The following HS6ST2 variants were observed in gnomAD, a reference collection of about 807,000 sequenced individuals.
HS6ST2 encodes heparan-sulfate 6-O-sulfotransferase 2.
Under a neutral mutation model 33.0 loss-of-function variants are expected in HS6ST2, and 17 were observed. The ratio of observed to expected loss-of-function variants is 0.52; its 90% CI spans 0.35 to 0.77. The LOEUF is 0.77. Among genes scored for constraint, HS6ST2 ranks in the 30% least tolerant of loss-of-function variants. HS6ST2 has a pLI of 0.01. For synonymous variants in HS6ST2, 248 were observed against 237.1 expected, an observed-to-expected ratio of 1.05 and a Z score of -0.42; for missense variants, 519 against 551.7, an observed-to-expected ratio of 0.94 and a Z score of 0.59.
intron 2 of HS6ST2, among the ~76,000 whole-genome samples, chrX:132,913,991 T>G (rs1476488022): frequency 8.9e-6 from 1 of 111,942 alleles, no homozygotes; most frequent in African/African-American, 3.3e-5. Context: ...TCCTGCTCCC[T>G]CAGGCTTCCC....
intron 2 of HS6ST2, among the ~76,000 whole-genome samples, chrX:132,822,405 G>A (rs1002333647): frequency 1.8e-5 from 2 of 111,248 alleles, no homozygotes; most frequent in Non-Finnish European, 3.8e-5. Flanking sequence ...GAGGAGCTGG[G>A]CAAACCAAGA....
chrX:132,865,445 C>T (rs1466489789), intron 2 of HS6ST2, among the ~76,000 whole-genome samples: 1 of 109,591 alleles, frequency 9.1e-6, no homozygotes. Context: ...CATACGTGTG[C>T]ATGTGTCTTT....
At position 132,679,752 on chromosome X, in the gene HS6ST2, T is replaced by G. The variant is rs949882148; in HGVS notation, c.981-10553A>C. On this transcript the variant is annotated intron_variant, in intron 3 of 4. Transcript: ENST00000370833. ...CTCGACCATAGAAGACAACCACGCC[T>G]GGGGGGGGGCCAGTTCAGAGACCCA... Among the ~76,000 whole-genome samples, 228 of 105,257 alleles carry G rather than the reference T, an allele frequency of 2.2e-3. 1 individual carries two copies. Among genetic ancestry groups the G allele is most frequent in the African/African-American group, 7.6e-3 (220 of 28,890 alleles). 91.4% of individuals were successfully genotyped at this position (105,257 alleles called of 115,157 possible). A position where few individuals can be genotyped will look rare whatever the true frequency, so the allele number is the denominator to read the frequency against.
chrX:132,669,553 T>C (rs1404928102), intron 3 of HS6ST2: 1 of 129,380 alleles, frequency 7.7e-6, no homozygotes, highest in Non-Finnish European at 1.6e-5. Context: ...ATAAAATCCT[T>C]TCTTTCCAGG....
intron 2 of HS6ST2, among the ~76,000 whole-genome samples, chrX:132,926,846 C>A (rs989809223): frequency 3.6e-5 from 4 of 111,770 alleles, no homozygotes; most frequent in Non-Finnish European, 7.5e-5. Context: ...TCACTTGAAC[C>A]CAGGAGGTGG....
chrX:132,869,703 A>G (rs747356059), intron 2 of HS6ST2, among the ~76,000 whole-genome samples: 1 of 112,195 alleles, frequency 8.9e-6, no homozygotes, highest in Admixed American at 9.5e-5. Flanking sequence ...AAGGCCTTTG[A>G]TAAAATTCAA....
chrX:132,730,094 A>C (rs1328763087), intron 2 of HS6ST2, among the ~76,000 whole-genome samples: 1 of 111,042 alleles, frequency 9.0e-6, no homozygotes, highest in East Asian at 2.8e-4. Context: ...AGACCAAGAA[A>C]CTTAAGGAAG....
intron 2 of HS6ST2, among the ~76,000 whole-genome samples, chrX:132,885,420 C>T (rs905994416): frequency 1.3e-4 from 14 of 111,147 alleles, no homozygotes; most frequent in African/African-American, 4.6e-4. Context: ...AAAATGAAAT[C>T]GGAAGTCATG....
chrX:132,673,549 T>G (rs2063900858), intron 3 of HS6ST2, among the ~76,000 whole-genome samples: 1 of 112,570 alleles, frequency 8.9e-6, no homozygotes, highest in Admixed American at 9.3e-5. Context: ...TAGTCCTTAA[T>G]GTTTTCCAAT....
At chrX:132,907,745 C>T (rs778651678) in intron 2 of HS6ST2, among the ~76,000 whole-genome samples, 2 of 112,157 alleles carry the variant, frequency 1.8e-5, no homozygotes, top group East Asian at 2.8e-4. Flanking sequence ...AGATGGACCC[C>T]TACTTTATGC....
chrX:132,876,877 C>G (rs1225699298), intron 2 of HS6ST2, among the ~76,000 whole-genome samples: 1 of 112,013 alleles, frequency 8.9e-6, no homozygotes, highest in Non-Finnish European at 1.9e-5. Context: ...AAACATTTTT[C>G]TTAGTTTTCT....
In HS6ST2 at chrX:132,736,567, AG is replaced by A. The variant is rs1400047671; in HGVS notation, c.948-28074del. Among the ~76,000 whole-genome samples the A allele has an allele frequency of 5.4e-5, 6 of 111,824 alleles. No individual in the cohort carries two copies. The East Asian group carries it at 1.7e-3, about 31-fold the overall frequency. The stretch of plus-strand genomic sequence containing the variant: ...TGCCAGGGGTGGTATGTAGTAGCGC[AG>A]AGTGACTCCAGTAGGGTGACAGCTC... On this transcript the variant is annotated intron_variant, in intron 2 of 4. Coordinates refer to ENST00000370833, the MANE Select transcript of HS6ST2 (RefSeq NM_001394073.1).
chrX:132,751,632 G>C, intron 2 of HS6ST2, among the ~76,000 whole-genome samples: 1 of 112,685 alleles, frequency 8.9e-6, no homozygotes. Flanking sequence ...GCATGGAAAA[G>C]GAAGGACAAG....
intron 2 of HS6ST2, among the ~76,000 whole-genome samples, chrX:132,921,669 A>C (rs73239344): frequency 8.9e-6 from 1 of 112,083 alleles, no homozygotes; most frequent in Non-Finnish European, 1.9e-5. Flanking sequence ...GGTAAAACAA[A>C]ATAAAACAAA....
intron 4 of HS6ST2, among the ~76,000 whole-genome samples, chrX:132,667,462 A>T (rs2063817716): frequency 8.9e-6 from 1 of 111,958 alleles, no homozygotes; most frequent in Non-Finnish European, 1.9e-5. Flanking sequence ...TTAAGAATGT[A>T]TTTATTCAGC....
intron 2 of HS6ST2, among the ~76,000 whole-genome samples, chrX:132,873,299 T>G (rs996640351): frequency 1.8e-5 from 2 of 111,494 alleles, no homozygotes; most frequent in African/African-American, 6.5e-5. Context: ...CCTCTTACAT[T>G]TCTTCCAGGG....
At chrX:132,847,999 G>A (rs1248225105) in intron 2 of HS6ST2, among the ~76,000 whole-genome samples, 1 of 112,332 alleles carries the variant, frequency 8.9e-6, no homozygotes, top group Non-Finnish European at 1.9e-5. Flanking sequence ...CAAGGATAAC[G>A]ACTTGGTTGT....
chrX:132,847,262 T>C (rs1228564062), intron 2 of HS6ST2, among the ~76,000 whole-genome samples: 1 of 111,473 alleles, frequency 9.0e-6, no homozygotes. Flanking sequence ...CTATTAACAT[T>C]CTGGGCTGGA....
At chrX:132,914,413 A>G (rs2066564892) in intron 2 of HS6ST2, among the ~76,000 whole-genome samples, 1 of 112,696 alleles carries the variant, frequency 8.9e-6, no homozygotes, top group African/African-American at 3.2e-5. Context: ...CTGGCTCTGA[A>G]GCCTGTCTGT....
Sources: gnomAD v4.1 joint callset for allele counts (sites outside exome capture counted in the v4.1 genomes callset) on GRCh38, gnomAD v4.1.1 for gene constraint, MANE v1.5 for transcripts, NCBI Gene and HGNC (gene_info 2026-07-23, HGNC 2026-07-21) for gene names.